Variants in TMEM130 observed in about 807,000 individuals in gnomAD.
The protein encoded by TMEM130 is transmembrane protein 130.
A neutral mutation model predicts 42.9 loss-of-function variants in TMEM130; 37 were observed. That is an observed-to-expected ratio of 0.86 (90% confidence interval 0.66 to 1.13). The LOEUF is 1.13. Among genes scored for constraint, TMEM130 ranks in the 50% most tolerant of loss-of-function variants. The probability of loss-of-function intolerance (pLI) is 0.00; values close to 1 mark genes in which losing one functional copy is unlikely to be tolerated. For missense variants in TMEM130, 545 were observed against 562.6 expected, an observed-to-expected ratio of 0.97 and a Z score of 0.32; for synonymous variants, 259 against 237.7, an observed-to-expected ratio of 1.09 and a Z score of -0.82.
intron 5 of TMEM130, among the ~76,000 whole-genome samples, chr7:98,854,107 G>C (rs1554398619): frequency 6.7e-6 from 1 of 149,404 alleles, no homozygotes; most frequent in South Asian, 2.1e-4. Flanking sequence ...GCGGGATCTC[G>C]GCTCACTGCA....
chr7:98,858,371 T>G (rs1452028295), intron 3 of TMEM130, among the ~76,000 whole-genome samples: 1 of 149,662 alleles, frequency 6.7e-6, no homozygotes, highest in African/African-American at 2.5e-5. Flanking sequence ...TGAGACCCCA[T>G]CTCTACAAAA....
At chr7:98,862,467 C>T (rs1280491596) in intron 2 of TMEM130, among the ~76,000 whole-genome samples, 2 of 148,818 alleles carry the variant, frequency 1.3e-5, no homozygotes, top group African/African-American at 4.9e-5. Context: ...GAATGACTGG[C>T]CCCAAGACTA....
chr7:98,863,342 G>A lies in TMEM130; in HGVS notation c.144C>T (p.Thr48=). 6.2e-7 allele frequency: 1 copy of A among 1,609,784 alleles called. No homozygotes were observed. Among genetic ancestry groups the A allele is most frequent in the Non-Finnish European group, 8.5e-7 (1 of 1,179,486 alleles). Reference sequence around the variant, plus strand: ...CCTTGGCCACCAGGCTGGCCGAGATGGTCACCACCGCTCCCGTGGTGGCAG... The same window carrying A: ...CCTTGGCCACCAGGCTGGCCGAGATAGTCACCACCGCTCCCGTGGTGGCAG... ...DSPATTGAVV[T]ISASLVAKDN... is the part of the protein sequence containing the mutation. Residue 48 remains threonine, a synonymous_variant, in exon 2 of 8, where the codon ACC becomes ACT. Coordinates refer to ENST00000339375, the MANE Select transcript of TMEM130 (RefSeq NM_152913.3).
At position 98,851,635 on chromosome 7, in the gene TMEM130, T is replaced by TG. The variant is rs1554398281; in HGVS notation, c.804-13dup. Reference sequence around the variant, plus strand: ...CAGTCAGAGGAGGGCTGCAGGGAAATGGGGGCGGTTTTTAAGAAAAGGCTC... The same window carrying TG: ...CAGTCAGAGGAGGGCTGCAGGGAAATGGGGGGCGGTTTTTAAGAAAAGGCTC... On this transcript the variant is annotated splice_polypyrimidine_tract_variant and intron_variant, in intron 5 of 7. Transcript: ENST00000339375. 4.4e-6 allele frequency: 7 copies of TG among 1,598,644 alleles called. No individual in the cohort carries two copies. Among genetic ancestry groups the TG allele is most frequent in the Non-Finnish European group, 4.3e-6 (5 of 1,171,448 alleles).
At chr7:98,854,785 C>T (rs566186631) in intron 5 of TMEM130, among the ~76,000 whole-genome samples, 66 of 152,252 alleles carry the variant, frequency 4.3e-4, no homozygotes, top group African/African-American at 1.5e-3. Context: ...CCTGTAATCT[C>T]AGCACTTTAG....
At chr7:98,850,606 G>A (rs558816037) in intron 6 of TMEM130, among the ~76,000 whole-genome samples, 1 of 151,968 alleles carries the variant, frequency 6.6e-6, no homozygotes, top group South Asian at 2.1e-4. Context: ...TAGAGACAGA[G>A]TTTTGCCACG....
In TMEM130 at chr7:98,855,280, T is replaced by C; in HGVS notation, c.763A>G (p.Thr255Ala). The stretch of plus-strand genomic sequence containing the variant: ...AAGGTCACGGTCATCTTTTGGAAGG[T>C]CTGAATTAGGGTGGGCCCCAACACT... ...IQVLGPTLIQ[T>A]FQKMTVTLNF... The change falls in exon 5 of 8, where the codon ACC (threonine) becomes GCC (alanine). Residue 255 changes from threonine to alanine, a missense_variant. Thr to Ala is a moderately conservative substitution (Grantham distance 58). Coordinates refer to ENST00000339375, the MANE Select transcript of TMEM130 (RefSeq NM_152913.3). 6.2e-7 allele frequency: 1 copy of C among 1,613,544 alleles called. No individual in the cohort carries two copies. Among genetic ancestry groups the C allele is most frequent in the East Asian group, 2.2e-5 (1 of 44,832 alleles).
chr7:98,848,228 A>C lies in TMEM130; in HGVS notation c.1120-20T>G. The stretch of plus-strand genomic sequence containing the variant: ...CGGGTTCTTGTCAGACATGGGGGAA[A>C]AGTCAAAATCAGCCACCTATGATGA... On this transcript the variant is annotated intron_variant, in intron 7 of 7. Coordinates refer to ENST00000339375, the MANE Select transcript of TMEM130 (RefSeq NM_152913.3). The C allele has an allele frequency of 2.3e-5, 37 of 1,613,778 alleles. No homozygotes were observed. Among genetic ancestry groups the C allele is most frequent in the Non-Finnish European group, 3.1e-5 (37 of 1,179,918 alleles).
At chr7:98,850,273 A>ATATATATATATATATTTTTTTTT in intron 6 of TMEM130, among the ~76,000 whole-genome samples, 1 of 35,464 alleles carries the variant, frequency 2.8e-5, no homozygotes, top group Non-Finnish European at 6.3e-5. Flanking sequence ...ATATATATAT[A>ATATATATATATATATTTTTTTTT]TTTTTTTTTT....
intron 3 of TMEM130, 131 bp from the exon 4 acceptor site, chr7:98,856,314 G>T: frequency 1.2e-6 from 1 of 857,546 alleles, no homozygotes; most frequent in East Asian, 2.5e-5. Context: ...AGCTACCAGT[G>T]AGCACACCTG....
chr7:98,857,723 C>CTTT (rs781912154), intron 3 of TMEM130, among the ~76,000 whole-genome samples: 1 of 82,270 alleles, frequency 1.2e-5, no homozygotes, highest in African/African-American at 4.8e-5. Flanking sequence ...AAAACACATC[C>CTTT]TTTTTTTTTT....
chr7:98,861,690 C>G (rs984873190), intron 2 of TMEM130, among the ~76,000 whole-genome samples: 10 of 151,938 alleles, frequency 6.6e-5, no homozygotes, highest in African/African-American at 2.2e-4. Flanking sequence ...CCAGCCTGGG[C>G]AACAGAAGGA....
chr7:98,856,008 G>C lies in TMEM130; in HGVS notation c.718+9C>G. 1 of 1,611,568 alleles carries C rather than the reference G, an allele frequency of 6.2e-7. No homozygotes were observed. The highest frequency in any genetic ancestry group is 8.5e-7 in the Non-Finnish European group (1 of 1,179,856). ...CGCCCAGACTGCATCAGCCTGCCTGGACACCCACCCTGCAGCTTCAGCGAG... is the reference window on the plus strand; with the variant it reads ...CGCCCAGACTGCATCAGCCTGCCTGCACACCCACCCTGCAGCTTCAGCGAG... On this transcript the variant is annotated intron_variant, in intron 4 of 7. Coordinates refer to ENST00000339375, the MANE Select transcript of TMEM130 (RefSeq NM_152913.3).
chr7:98,869,987 C>T lies in TMEM130; in HGVS notation c.-126G>A. 2.0e-6 allele frequency: 1 copy of T among 504,456 alleles called. No homozygotes were observed. Among genetic ancestry groups the T allele is most frequent in the Non-Finnish European group, 3.0e-6 (1 of 331,024 alleles). The allele number at this position is 504,456 out of a possible 1,614,324, so 31.2% of individuals were successfully genotyped here. ...GGTGCGGGGAGGTGCGGGCGCCGTG[C>T]TCGCTCGTCCTCGCCGGGGGACGCT... On this transcript the variant is annotated 5_prime_UTR_variant, in exon 1 of 8. Transcript: ENST00000339375. This position sits in a 1 kb window ranked among gnomAD's most constrained non-coding sequence, Gnocchi z 4.7.
intron 3 of TMEM130, among the ~76,000 whole-genome samples, chr7:98,858,231 G>A (rs151268848): frequency 6.6e-6 from 1 of 151,936 alleles, no homozygotes; most frequent in Non-Finnish European, 1.5e-5. Context: ...TCATACTAAC[G>A]CTTTTTTGGC....
Position 98,850,803 on chromosome 7 carries a change from T to C in TMEM130, c.1006+618A>G, listed in dbSNP as rs1181272191. On this transcript the variant is annotated intron_variant, in intron 6 of 7. Transcript: ENST00000339375. ...CTGTTGGGGATGCTGGTTTTAGCAGTGGCAACTGCTGGGGCAGGGGTGATG... is the reference window on the plus strand; with the variant it reads ...CTGTTGGGGATGCTGGTTTTAGCAGCGGCAACTGCTGGGGCAGGGGTGATG... 3.3e-5 allele frequency among the ~76,000 whole-genome samples: 5 copies of C among 152,124 alleles called. No individual in the cohort carries two copies. In the East Asian group the frequency reaches 9.6e-4, roughly 29 times the overall value.
chr7:98,855,230 G>A lies in TMEM130; in HGVS notation c.803+10C>T, dbSNP rs1554398770. 1.2e-6 allele frequency: 2 copies of A among 1,612,024 alleles called. No homozygotes were observed. The highest frequency in any genetic ancestry group is 2.2e-5 in the East Asian group (1 of 44,806). On this transcript the variant is annotated intron_variant, in intron 5 of 7. Transcript: ENST00000339375. ...CGGGGCACCCCCAGTGCGCTCTGGA[G>A]CTCACTTACCTCCCCAGGAAGTTCA... is the stretch of plus-strand genomic sequence containing the variant.
At position 98,862,779 on chromosome 7, in the gene TMEM130, C is replaced by A. The variant is rs180844631; in HGVS notation, c.391+316G>T. Among the ~76,000 whole-genome samples the A allele has an allele frequency of 5.9e-5, 9 of 152,226 alleles. No homozygotes were observed. The East Asian group carries it at 1.7e-3, about 29-fold the overall frequency. ...CCTCCCGAAGTGCTGGGATTACAAG[C>A]GTGAGCCACCGCGCCCAGCTGAGAC... On this transcript the variant is annotated intron_variant, in intron 2 of 7. Coordinates refer to ENST00000339375, the MANE Select transcript of TMEM130 (RefSeq NM_152913.3).
In TMEM130 at chr7:98,869,184, C is replaced by T. The variant is rs1794972463; in HGVS notation, c.85+593G>A. The T allele has an allele frequency of 2.3e-6, 3 of 1,285,208 alleles. No individual in the cohort carries two copies. Among genetic ancestry groups the T allele is most frequent in the Middle Eastern group, 2.1e-4 (1 of 4,670 alleles). The allele number at this position is 1,285,208 out of a possible 1,614,324, so 79.6% of individuals were successfully genotyped here. ...TAGACACACAACCCTGCTTCCCCCACTCCCCCACCCACACACACACCCCAG... is the reference window on the plus strand; with the variant it reads ...TAGACACACAACCCTGCTTCCCCCATTCCCCCACCCACACACACACCCCAG... On this transcript the variant is annotated intron_variant, in intron 1 of 7. Coordinates refer to ENST00000339375, the MANE Select transcript of TMEM130 (RefSeq NM_152913.3). The surrounding 1 kb of genome is among the most constrained non-coding windows in gnomAD (Gnocchi z 4.7).
Sources: gnomAD v4.1 joint callset for allele counts (sites outside exome capture counted in the v4.1 genomes callset) on GRCh38, gnomAD v4.1.1 for gene constraint, Gnocchi (gnomAD v3.1) non-coding constraint, MANE v1.5 for transcripts, NCBI Gene and HGNC (gene_info 2026-07-23, HGNC 2026-07-21) for gene names.